MCMBP: variants seen among roughly 807,000 people sequenced by gnomAD.
The protein encoded by MCMBP is mini-chromosome maintenance complex-binding protein.
A neutral mutation model predicts 81.3 loss-of-function variants in MCMBP; 31 were observed. The ratio of observed to expected loss-of-function variants is 0.38; its 90% confidence interval spans 0.29 to 0.51. The LOEUF is 0.51. Ranked by LOEUF, MCMBP falls within the 20% of genes least tolerant of loss-of-function variation. MCMBP has a pLI of 0.87. For synonymous variants in MCMBP, 267 were observed against 275.9 expected (o/e 0.97, Z 0.32); for missense variants, 645 against 772.1 (o/e 0.84, Z 1.95).
chr10:119,854,696 C>A (rs937001764), intron 5 of MCMBP, among the ~76,000 whole-genome samples: 1 of 151,460 alleles, frequency 6.6e-6, no homozygotes, highest in African/African-American at 2.4e-5. Context: ...GTGGCTTATG[C>A]CTGTAATCCC....
intron 1 of MCMBP, among the ~76,000 whole-genome samples, chr10:119,869,043 T>C (rs1012159530): frequency 6.6e-6 from 1 of 152,126 alleles, no homozygotes; most frequent in African/African-American, 2.4e-5. Flanking sequence ...TTGGTTCCAG[T>C]ATGGCAGGTG....
In MCMBP at chr10:119,855,734, G is replaced by T. The variant is rs1464008208; in HGVS notation, c.429+1604C>A. On this transcript the variant is annotated intron_variant, in intron 5 of 15. Coordinates refer to ENST00000369077, the MANE Select transcript of MCMBP (RefSeq NM_001256378.2). ...AAACCAAAAAGAACAAAATAAAGCA[G>T]AAATGGATGAAGCAGAAAACAGAAA... Among the ~76,000 whole-genome samples, 4 of 151,828 alleles carry T rather than the reference G, an allele frequency of 2.6e-5. 1 individual carries two copies. Among genetic ancestry groups the T allele is most frequent in the Admixed American group, 1.3e-4 (2 of 15,226 alleles).
intron 11 of MCMBP, among the ~76,000 whole-genome samples, chr10:119,840,328 G>T (rs111772605): frequency 2.6e-5 from 4 of 152,090 alleles, no homozygotes; most frequent in African/African-American, 9.7e-5. Flanking sequence ...CCAAAGAAGT[G>T]ATCAGTATTT....
intron 15 of MCMBP, 105 bp from the exon 16 acceptor site, chr10:119,831,705 G>C (rs888043829): frequency 7.6e-7 from 1 of 1,314,374 alleles, no homozygotes; most frequent in African/African-American, 1.5e-5. Context: ...AGCACGTTAG[G>C]AGACAAGACC....
intron 6 of MCMBP, 67 bp from the exon 7 acceptor site, chr10:119,849,643 T>C (rs1852738877): frequency 3.5e-6 from 5 of 1,424,030 alleles, no homozygotes; most frequent in Admixed American, 5.6e-5. Context: ...GAACATTCCA[T>C]AAGTGCCTTT....
At chr10:119,860,464 AG>A (rs2134393765) in intron 1 of MCMBP, among the ~76,000 whole-genome samples, 1 of 152,254 alleles carries the variant, frequency 6.6e-6, no homozygotes, top group African/African-American at 2.4e-5. Context: ...GTGTCTCCTA[AG>A]GAACAGTACT....
intron 1 of MCMBP, among the ~76,000 whole-genome samples, chr10:119,861,145 T>C (rs1310679142): frequency 6.6e-6 from 1 of 152,160 alleles, no homozygotes; most frequent in Non-Finnish European, 1.5e-5. Context: ...AAATAAAAAG[T>C]CTACACTTGT....
chr10:119,851,700 TA>T (rs1230594427), intron 6 of MCMBP, among the ~76,000 whole-genome samples: 1 of 152,194 alleles, frequency 6.6e-6, no homozygotes, highest in Non-Finnish European at 1.5e-5. Context: ...AGAAAAAGAA[TA>T]CTACGACATT....
chr10:119,842,403 C>T, intron 10 of MCMBP, 69 bp downstream of exon 10: 1 of 1,528,478 alleles, frequency 6.5e-7, no homozygotes, highest in East Asian at 2.3e-5. Context: ...ATGACACCAG[C>T]AATCTTCCCG....
chr10:119,868,157 G>A (rs1853539327), intron 1 of MCMBP, among the ~76,000 whole-genome samples: 1 of 152,182 alleles, frequency 6.6e-6, no homozygotes, highest in African/African-American at 2.4e-5. Flanking sequence ...GGGCGCAGCA[G>A]CTCACACCTG....
At chr10:119,846,426 A>G (rs1033224189) in intron 8 of MCMBP, among the ~76,000 whole-genome samples, 2 of 152,246 alleles carry the variant, frequency 1.3e-5, no homozygotes, top group Non-Finnish European at 2.9e-5. Context: ...CAAAGTAATA[A>G]CTGATTCAAG....
At chr10:119,859,689 G>A (rs1370971244) in intron 2 of MCMBP, 110 bp downstream of exon 2, 2 of 669,800 alleles carry the variant, frequency 3.0e-6, no homozygotes, top group South Asian at 5.0e-5. Flanking sequence ...TGAAGCAGAA[G>A]TACATTAATT....
chr10:119,860,528 T>A (rs1205481354), intron 1 of MCMBP, among the ~76,000 whole-genome samples: 1 of 152,182 alleles, frequency 6.6e-6, no homozygotes, highest in African/African-American at 2.4e-5. Context: ...ACAATACTTT[T>A]TATTTAATCT....
At chr10:119,842,359 C>T in intron 10 of MCMBP, 113 bp downstream of exon 10, 1 of 1,212,288 alleles carries the variant, frequency 8.2e-7, no homozygotes, top group Non-Finnish European at 1.2e-6. Flanking sequence ...CAGATAAAAA[C>T]CATGTGATGA....
chr10:119,869,251 CATG>C (rs1589804575), intron 1 of MCMBP, among the ~76,000 whole-genome samples: 1 of 152,122 alleles, frequency 6.6e-6, no homozygotes, highest in East Asian at 1.9e-4. Flanking sequence ...GCCTTGCTAA[CATG>C]GTGAAATCCT....
intron 6 of MCMBP, among the ~76,000 whole-genome samples, chr10:119,850,128 T>C (rs1284327473): frequency 6.6e-6 from 1 of 152,162 alleles, no homozygotes; most frequent in Admixed American, 6.6e-5. Context: ...AATCAAATTA[T>C]AGCCTGCCAT....
intron 4 of MCMBP, 33 bp downstream of exon 4, chr10:119,858,851 T>TA: frequency 6.7e-7 from 1 of 1,495,326 alleles, no homozygotes; most frequent in Admixed American, 2.1e-5. Flanking sequence ...AAATTCTTAC[T>TA]AAAAATGTTT....
At chr10:119,839,597 C>T (rs1273281958) in intron 11 of MCMBP, among the ~76,000 whole-genome samples, 6 of 152,008 alleles carry the variant, frequency 3.9e-5, no homozygotes, top group African/African-American at 1.2e-4. Flanking sequence ...AATGTGGTCC[C>T]GAGAACCCCC....
At chr10:119,836,787 TTTTTTTTA>T in intron 13 of MCMBP, 101 bp downstream of exon 13, 1 of 218,128 alleles carries the variant, frequency 4.6e-6, no homozygotes, top group Non-Finnish European at 7.8e-6. Flanking sequence ...TTTTTTTTTT[TTTTTTTTA>T]CAACAAATGT....
Sources: allele counts gnomAD v4.1 joint callset (sites outside exome capture counted in the v4.1 genomes callset), GRCh38; gene constraint gnomAD v4.1.1; transcripts MANE v1.5; gene names NCBI Gene and HGNC (gene_info 2026-07-23, HGNC 2026-07-21).